The following B3GALT1 variants were observed in gnomAD, a reference collection of about 807,000 sequenced individuals.
The protein encoded by B3GALT1 is beta-1,3-galactosyltransferase 1.
A neutral mutation model predicts 23.2 loss-of-function variants in B3GALT1; 10 were observed. That is an observed-to-expected ratio of 0.43 (90% confidence interval 0.27 to 0.73). The LOEUF (loss-of-function observed/expected upper bound fraction) is 0.73. B3GALT1 is among the 30% of genes least tolerant of loss of function. B3GALT1 has a pLI of 0.21. For missense variants in B3GALT1, 299 were observed against 405.4 expected, an observed-to-expected ratio of 0.74 and a Z score of 2.25; for synonymous variants, 156 against 141.5, an observed-to-expected ratio of 1.10 and a Z score of -0.73.
chr2:167,691,789 A>AAT lies in B3GALT1; in HGVS notation c.-352+44824_-352+44825dup, dbSNP rs1335217095. 1.3e-4 allele frequency among the ~76,000 whole-genome samples: 20 copies of AAT among 152,304 alleles called. No individual in the cohort carries two copies. In the South Asian group the frequency reaches 3.5e-3, roughly 27 times the overall value. On this transcript the variant is annotated intron_variant, in intron 3 of 4. Coordinates refer to ENST00000392690, the MANE Select transcript of B3GALT1 (RefSeq NM_020981.4). ...TTAGTAGCTTAAAAGGCATAGATAA[A>AAT]ATGTATAAGCTGTGTTAGATAAAGA...
At chr2:167,530,263 G>T (rs1683303477) in intron 2 of B3GALT1, among the ~76,000 whole-genome samples, 1 of 151,998 alleles carries the variant, frequency 6.6e-6, no homozygotes, top group Non-Finnish European at 1.5e-5. Context: ...ATCTCCCTTT[G>T]TCTCTTCTCT....
chr2:167,830,375 T>TAAAA (rs59253266), intron 4 of B3GALT1, among the ~76,000 whole-genome samples: 22 of 142,188 alleles, frequency 1.5e-4, no homozygotes, highest in African/African-American at 5.6e-4. Flanking sequence ...CGTTCATACT[T>TAAAA]AAAAAAAAAA....
chr2:167,430,177 C>T (rs932432705), intron 1 of B3GALT1, among the ~76,000 whole-genome samples: 2 of 152,042 alleles, frequency 1.3e-5, no homozygotes, highest in Non-Finnish European at 2.9e-5. Context: ...AGAGAATAGG[C>T]GTGAGGCTCT....
chr2:167,301,619 C>T (rs1484481012), intron 1 of B3GALT1, among the ~76,000 whole-genome samples: 1 of 152,186 alleles, frequency 6.6e-6, no homozygotes, highest in Non-Finnish European at 1.5e-5. Context: ...GGCACACTCT[C>T]AGCTCACTGC....
intron 4 of B3GALT1, among the ~76,000 whole-genome samples, chr2:167,831,879 T>C (rs1689361819): frequency 6.6e-6 from 1 of 152,150 alleles, no homozygotes; most frequent in South Asian, 2.1e-4. Flanking sequence ...TGTCTAATAG[T>C]CTTTTATAAT....
intron 1 of B3GALT1, among the ~76,000 whole-genome samples, chr2:167,350,970 G>A (rs1008356886): frequency 3.3e-5 from 5 of 152,094 alleles, no homozygotes; most frequent in Non-Finnish European, 7.4e-5. Flanking sequence ...ACCACCTGGT[G>A]AAACAATATC....
chr2:167,716,837 GT>G (rs1316649419), intron 3 of B3GALT1, among the ~76,000 whole-genome samples: 2 of 151,728 alleles, frequency 1.3e-5, no homozygotes, highest in African/African-American at 2.4e-5. Context: ...CTTTTTTATA[GT>G]TTTTTTGGTT....
intron 3 of B3GALT1, among the ~76,000 whole-genome samples, chr2:167,665,210 A>G (rs1211819107): frequency 2.7e-5 from 4 of 148,056 alleles, no homozygotes; most frequent in South Asian, 2.1e-4. Flanking sequence ...TTCTGCATCT[A>G]TTGAGATAAT....
chr2:167,445,998 G>C (rs548613706), intron 1 of B3GALT1, among the ~76,000 whole-genome samples: 1 of 152,172 alleles, frequency 6.6e-6, no homozygotes, highest in Non-Finnish European at 1.5e-5. Flanking sequence ...GCAGTGGCTG[G>C]TACTGGTTGT....
chr2:167,857,991 G>A (rs1690027849), intron 4 of B3GALT1, among the ~76,000 whole-genome samples: 1 of 152,078 alleles, frequency 6.6e-6, no homozygotes, highest in Admixed American at 6.6e-5. Context: ...ATTTTATAGT[G>A]GCTTTGTCTT....
At chr2:167,298,027 T>C (rs1444622165) in intron 1 of B3GALT1, among the ~76,000 whole-genome samples, 7 of 152,168 alleles carry the variant, frequency 4.6e-5, no homozygotes, top group Non-Finnish European at 1.0e-4. Context: ...TTTATCTTTT[T>C]TGCCCTAGTT....
At chr2:167,538,490 G>A (rs1683469797) in intron 2 of B3GALT1, among the ~76,000 whole-genome samples, 1 of 152,166 alleles carries the variant, frequency 6.6e-6, no homozygotes, top group African/African-American at 2.4e-5. Context: ...CATTAAGGGT[G>A]TGATTTCAAT....
intron 1 of B3GALT1, among the ~76,000 whole-genome samples, chr2:167,343,187 G>A (rs985466848): frequency 6.6e-6 from 1 of 152,120 alleles, no homozygotes; most frequent in Non-Finnish European, 1.5e-5. Context: ...TAGTAACCAG[G>A]GAAAGAGGAA....
At chr2:167,847,627 A>T (rs1689789389) in intron 4 of B3GALT1, among the ~76,000 whole-genome samples, 1 of 152,166 alleles carries the variant, frequency 6.6e-6, no homozygotes, top group Admixed American at 6.5e-5. Flanking sequence ...ACGCCTACAC[A>T]TCAAAAAGAC....
At chr2:167,545,330 G>A (rs555611519) in intron 2 of B3GALT1, among the ~76,000 whole-genome samples, 9 of 151,996 alleles carry the variant, frequency 5.9e-5, no homozygotes, top group South Asian at 4.1e-4. Context: ...CCACCGGCCC[G>A]GTGTGCCTTG....
At chr2:167,425,263 C>T (rs961050244) in intron 1 of B3GALT1, among the ~76,000 whole-genome samples, 7 of 152,052 alleles carry the variant, frequency 4.6e-5, no homozygotes, top group African/African-American at 1.7e-4. Context: ...TGACAGTTGC[C>T]GCTTACCGCT....
At chr2:167,739,820 G>A (rs1161561812) in intron 3 of B3GALT1, among the ~76,000 whole-genome samples, 1 of 151,360 alleles carries the variant, frequency 6.6e-6, no homozygotes, top group Non-Finnish European at 1.5e-5. Context: ...GCCAGGCACA[G>A]GGACTCACAG....
chr2:167,474,882 A>G (rs1035080934), intron 1 of B3GALT1, among the ~76,000 whole-genome samples: 1 of 152,136 alleles, frequency 6.6e-6, no homozygotes, highest in Non-Finnish European at 1.5e-5. Context: ...GTGATTCTAA[A>G]AATTCTGTAT....
chr2:167,715,744 T>C, intron 3 of B3GALT1: 2 of 1,613,128 alleles, frequency 1.2e-6, no homozygotes, highest in Non-Finnish European at 1.7e-6. Context: ...ATGACTGTAC[T>C]TCATAGCCTT....
Sources: allele counts gnomAD v4.1 joint callset (sites outside exome capture counted in the v4.1 genomes callset), GRCh38; gene constraint gnomAD v4.1.1; transcripts MANE v1.5; gene names NCBI Gene and HGNC (gene_info 2026-07-23, HGNC 2026-07-21).